Variants in FRAS1 observed in about 807,000 individuals in gnomAD.
FRAS1 encodes extracellular matrix organizing protein FRAS1.
Under a neutral mutation model 435.2 loss-of-function variants are expected in FRAS1, and 290 were observed. The observed-to-expected ratio is 0.67, with a 90% CI of 0.61 to 0.73. The LOEUF is 0.73. Among genes scored for constraint, FRAS1 ranks in the 30% least tolerant of loss-of-function variants. The probability of loss-of-function intolerance (pLI) is 0.00; values close to 1 mark genes in which losing one functional copy is unlikely to be tolerated. For synonymous variants in FRAS1, 1,800 were observed against 1,851.0 expected (o/e 0.97, Z 0.71); for missense variants, 4,860 against 5,001.5 (o/e 0.97, Z 0.85).
At chr4:78,207,633 A>G (rs1294274498) in intron 2 of FRAS1, among the ~76,000 whole-genome samples, 13 of 152,296 alleles carry the variant, frequency 8.5e-5, no homozygotes, top group African/African-American at 3.1e-4. Context: ...TCACTTGTCA[A>G]GAAACTATAA....
intron 2 of FRAS1, among the ~76,000 whole-genome samples, chr4:78,199,469 G>T (rs142060406): frequency 1.4e-4 from 21 of 152,278 alleles, no homozygotes; most frequent in African/African-American, 4.8e-4. Flanking sequence ...GAATTCTTTG[G>T]GGGTTGGGGG....
chr4:78,098,621 G>T (rs1348695832), intron 2 of FRAS1, among the ~76,000 whole-genome samples: 1 of 152,120 alleles, frequency 6.6e-6, no homozygotes, highest in Non-Finnish European at 1.5e-5. Context: ...CCAAGGTGTT[G>T]CCTGTTCCTT....
chr4:78,149,387 C>G (rs1010916830), intron 2 of FRAS1, among the ~76,000 whole-genome samples: 1 of 152,282 alleles, frequency 6.6e-6, no homozygotes, highest in Middle Eastern at 3.4e-3. Flanking sequence ...CCAATACATA[C>G]TCATAGTAAA....
In FRAS1 at chr4:78,540,633, C is replaced by T. The variant is rs1239883966; in HGVS notation, c.11548C>T (p.Arg3850Cys). 4 of 1,593,438 alleles carry T rather than the reference C, an allele frequency of 2.5e-6. No individual in the cohort carries two copies. Among genetic ancestry groups the T allele is most frequent in the Non-Finnish European group, 2.6e-6 (3 of 1,169,294 alleles). The stretch of plus-strand genomic sequence containing the variant: ...GCGCTCTCTCACAGCTCCACTCAGA[C>T]GCAACCGAAGGGACCTGGTAGAGCC... ...VQRSLTAPLR[R>C]NRRDLVEPDG... is the part of the protein sequence containing the mutation. The change falls in exon 74 of 74, where the codon CGC becomes TGC. Residue 3850 changes from arginine to cysteine, a missense_variant. Physicochemically the swap from Arg to Cys is radical, Grantham distance 180. Transcript: ENST00000512123.
chr4:78,264,237 C>A (rs1308320636), intron 6 of FRAS1, among the ~76,000 whole-genome samples: 1 of 152,136 alleles, frequency 6.6e-6, no homozygotes, highest in African/African-American at 2.4e-5. Context: ...GAAAATTCTT[C>A]TTAGGGCAGC....
chr4:78,403,354 ACT>A (rs1051248925), intron 30 of FRAS1, among the ~76,000 whole-genome samples: 7 of 152,230 alleles, frequency 4.6e-5, no homozygotes, highest in East Asian at 3.9e-4. Flanking sequence ...TCCTGCTGTA[ACT>A]CTTTTAATTA....
In FRAS1 at chr4:78,070,844, T is replaced by C. The variant is rs573583009; in HGVS notation, c.108+4828T>C. On this transcript the variant is annotated intron_variant, in intron 2 of 73. Coordinates refer to ENST00000512123, the MANE Select transcript of FRAS1 (RefSeq NM_025074.7). Reference sequence around the variant, plus strand: ...TTGACTCTTCACTTCAATTTTTCTGTCTGTGAAATGGAGATGAACTATTTA... The same window carrying C: ...TTGACTCTTCACTTCAATTTTTCTGCCTGTGAAATGGAGATGAACTATTTA... 9 of 152,354 alleles carry C rather than the reference T, an allele frequency of 5.9e-5. No homozygotes were observed. The South Asian group carries it at 8.3e-4, about 14-fold the overall frequency. 9.4% of individuals were successfully genotyped at this position (152,354 alleles called of 1,614,324 possible).
chr4:78,505,106 G>A (rs1419458484), intron 61 of FRAS1, among the ~76,000 whole-genome samples: 1 of 152,230 alleles, frequency 6.6e-6, no homozygotes, highest in African/African-American at 2.4e-5. Context: ...CTGTTAGTAT[G>A]ATGGGCTTCC....
chr4:78,386,656 C>G (rs867416577), intron 28 of FRAS1, among the ~76,000 whole-genome samples: 23 of 151,980 alleles, frequency 1.5e-4, no homozygotes, highest in African/African-American at 3.4e-4. Context: ...TGGCTTCTGG[C>G]CTCAATTTTT....
rs1444785018 is a variant in FRAS1 at position 78,507,425 on chromosome 4, G to A, written c.9321G>A (p.Val3107=). Residue 3107 remains valine (V), a synonymous_variant, in exon 62 of 74, where the codon GTG becomes GTA. Transcript: ENST00000512123. ...KSRVLKFSPG[V]DHIFFKVEIL... Reference sequence around the variant, plus strand: ...TTTGTTCTGTCCTTGGCGAAGGTGTGGATCATATCTTTTTTAAAGTTGAGA... The same window carrying A: ...TTTGTTCTGTCCTTGGCGAAGGTGTAGATCATATCTTTTTTAAAGTTGAGA... 8 of 1,609,230 alleles carry A rather than the reference G, an allele frequency of 5.0e-6. No homozygotes were observed. Among genetic ancestry groups the A allele is most frequent in the Non-Finnish European group, 6.8e-6 (8 of 1,178,110 alleles).
intron 2 of FRAS1, among the ~76,000 whole-genome samples, chr4:78,086,916 C>T (rs1261373839): frequency 2.6e-5 from 4 of 152,196 alleles, no homozygotes; most frequent in African/African-American, 9.6e-5. Context: ...CTCCCTAACT[C>T]ATTTTATGAG....
intron 29 of FRAS1, 32 bp downstream of exon 29, chr4:78,387,733 T>G (rs1186633817): frequency 7.3e-7 from 1 of 1,375,666 alleles, no homozygotes; most frequent in Admixed American, 2.4e-5. Flanking sequence ...ACAGTTTCTT[T>G]GCACCTAGAT....
At chr4:78,470,621 A>G (rs1719671991) in intron 51 of FRAS1, among the ~76,000 whole-genome samples, 1 of 152,246 alleles carries the variant, frequency 6.6e-6, no homozygotes, top group East Asian at 1.9e-4. Context: ...ATAGTACAAC[A>G]ACTGTTTATA....
chr4:78,219,941 G>C (rs543103072), intron 2 of FRAS1, among the ~76,000 whole-genome samples: 2 of 152,124 alleles, frequency 1.3e-5, no homozygotes, highest in Non-Finnish European at 2.9e-5. Flanking sequence ...CATTCTCACC[G>C]ACAGAGGAGA....
intron 72 of FRAS1, among the ~76,000 whole-genome samples, chr4:78,538,692 A>C (rs1325513418): frequency 3.9e-5 from 6 of 152,074 alleles, no homozygotes; most frequent in South Asian, 4.1e-4. Flanking sequence ...CGGTGGCTCA[A>C]GCCTGTAATC....
chr4:78,473,143 C>A (rs1203511797), intron 52 of FRAS1, among the ~76,000 whole-genome samples: 1 of 152,086 alleles, frequency 6.6e-6, no homozygotes, highest in Non-Finnish European at 1.5e-5. Context: ...CATTCACAGA[C>A]ATTTATTGAA....
chr4:78,099,313 C>T (rs1741986744), intron 2 of FRAS1, among the ~76,000 whole-genome samples: 1 of 152,178 alleles, frequency 6.6e-6, no homozygotes, highest in African/African-American at 2.4e-5. Flanking sequence ...TGGAATGCTT[C>T]TATAAGTGGC....
At chr4:78,216,925 C>T (rs1185713481) in intron 2 of FRAS1, among the ~76,000 whole-genome samples, 3 of 152,060 alleles carry the variant, frequency 2.0e-5, no homozygotes, top group East Asian at 1.9e-4. Flanking sequence ...ACTAAGGACA[C>T]GTAGGGGATA....
intron 45 of FRAS1, among the ~76,000 whole-genome samples, chr4:78,450,976 T>A (rs1378304799): frequency 6.9e-6 from 1 of 145,792 alleles, no homozygotes; most frequent in Non-Finnish European, 1.5e-5. Flanking sequence ...AATATACCCC[T>A]GCGGATAAAA....
Sources: gnomAD v4.1 joint callset for allele counts (sites outside exome capture counted in the v4.1 genomes callset) on GRCh38, gnomAD v4.1.1 for gene constraint, MANE v1.5 for transcripts, NCBI Gene and HGNC (gene_info 2026-07-23, HGNC 2026-07-21) for gene names.